The following TUBGCP4 variants were observed in gnomAD, a reference collection of about 807,000 sequenced individuals.
TUBGCP4 encodes the protein gamma-tubulin complex component 4.
Under a neutral mutation model 91.6 loss-of-function variants are expected in TUBGCP4, and 54 were observed. The ratio of observed to expected loss-of-function variants is 0.59; its 90% CI spans 0.47 to 0.74. The LOEUF (loss-of-function observed/expected upper bound fraction) is 0.74, where lower values mean the gene tolerates loss of function less well. TUBGCP4 is among the 30% of genes least tolerant of loss of function. The pLI is 0.00. For missense variants in TUBGCP4, 593 were observed against 800.9 expected (o/e 0.74, Z 3.13); for synonymous variants, 297 against 302.8 (o/e 0.98, Z 0.20).
chr15:43,407,108 G>A lies in TUBGCP4; in HGVS notation c.*1894G>A. 2.9e-6 allele frequency: 1 copy of A among 346,230 alleles called. No individual in the cohort carries two copies. The highest frequency in any genetic ancestry group is 5.3e-6 in the Non-Finnish European group (1 of 187,274). The allele number at this position is 346,230 out of a possible 1,614,324, so 21.4% of individuals were successfully genotyped here. On this transcript the variant is annotated 3_prime_UTR_variant, in exon 18 of 18. Transcript: ENST00000564079. ...CTTAACTTTTCAATTTCCTTGGCCA[G>A]CTGTCCTCCGTAAGTGAATAAGCCT...
chr15:43,379,944 C>T (rs374434087), intron 5 of TUBGCP4, 140 bp from the exon 6 acceptor site: 3 of 777,982 alleles, frequency 3.9e-6, no homozygotes, highest in East Asian at 2.7e-5. Flanking sequence ...TCTTTGAGAA[C>T]CACTATGTGT....
chr15:43,405,173 C>T, intron 17 of TUBGCP4, 29 bp from the exon 18 acceptor site: 2 of 1,613,830 alleles, frequency 1.2e-6, no homozygotes, highest in Non-Finnish European at 8.5e-7. Context: ...AAGCATGACA[C>T]TTAATAAGGC....
In TUBGCP4 at chr15:43,408,342, G is replaced by A. The variant is rs112807119; in HGVS notation, c.*3128G>A. ...AAGACAACAAAAAAATTAGCTGGGT[G>A]TGGTGGCGAGTGCCTGTAGTCCCAG... On this transcript the variant is annotated 3_prime_UTR_variant, in exon 18 of 18. Transcript: ENST00000564079. The A allele has an allele frequency of 2.7e-6, 1 of 369,960 alleles. No individual in the cohort carries two copies. Among genetic ancestry groups the A allele is most frequent in the Non-Finnish European group, 5.0e-6 (1 of 199,588 alleles). 22.9% of individuals were successfully genotyped at this position (369,960 alleles called of 1,614,324 possible).
intron 9 of TUBGCP4, among the ~76,000 whole-genome samples, chr15:43,389,904 T>C (rs1035569020): frequency 6.6e-6 from 1 of 151,504 alleles, no homozygotes; most frequent in African/African-American, 2.4e-5. Flanking sequence ...TAAAAATATA[T>C]AAAATATATA....
At chr15:43,380,018 A>G (rs2044264156) in intron 5 of TUBGCP4, 66 bp from the exon 6 acceptor site, 1 of 1,494,034 alleles carries the variant, frequency 6.7e-7, no homozygotes, top group Non-Finnish European at 9.3e-7. Context: ...TGAATATGGA[A>G]TAAGAATGTG....
chr15:43,408,179 T>G lies in TUBGCP4; in HGVS notation c.*2965T>G. 7.6e-7 allele frequency: 1 copy of G among 1,321,800 alleles called. No homozygotes were observed. Among genetic ancestry groups the G allele is most frequent in the Non-Finnish European group, 1.0e-6 (1 of 958,752 alleles). The allele number at this position is 1,321,800 out of a possible 1,614,324, so 81.9% of individuals were successfully genotyped here. On this transcript the variant is annotated 3_prime_UTR_variant, in exon 18 of 18. Coordinates refer to ENST00000564079, the MANE Select transcript of TUBGCP4 (RefSeq NM_014444.5). ...AGGGACTCATGTACATCTGAATGCT[T>G]TCAAAAATAAATGCCCCATCAGACA...
intron 9 of TUBGCP4, among the ~76,000 whole-genome samples, chr15:43,393,587 C>G (rs1360623857): frequency 6.6e-6 from 1 of 151,968 alleles, no homozygotes; most frequent in Admixed American, 6.6e-5. Context: ...CTAATGCTAT[C>G]CCTCCCCGGT....
In TUBGCP4 at chr15:43,371,325, A is replaced by G. The variant is rs2142747171; in HGVS notation, c.-30A>G. The G allele has an allele frequency of 6.2e-7, 1 of 1,609,552 alleles. No homozygotes were observed. Among genetic ancestry groups the G allele is most frequent in the East Asian group, 2.2e-5 (1 of 44,692 alleles). On this transcript the variant is annotated 5_prime_UTR_variant, in exon 1 of 18. Coordinates refer to ENST00000564079, the MANE Select transcript of TUBGCP4 (RefSeq NM_014444.5). Reference sequence around the variant, plus strand: ...GAGGTGCGCTGGAGGAGGGGGTGACATAACCAGGGACTCGAGGTCCGCCGT... The same window carrying G: ...GAGGTGCGCTGGAGGAGGGGGTGACGTAACCAGGGACTCGAGGTCCGCCGT...
Position 43,409,165 on chromosome 15 carries a change from A to G in TUBGCP4, c.*3951A>G. On this transcript the variant is annotated 3_prime_UTR_variant, in exon 18 of 18. Coordinates refer to ENST00000564079, the MANE Select transcript of TUBGCP4 (RefSeq NM_014444.5). The stretch of plus-strand genomic sequence containing the variant: ...GGAAAGCTCCTAAGCAGCAGCCATA[A>G]TGAGCCATGAAGAGCAGATCTGAAG... 1 of 1,461,630 alleles carries G rather than the reference A, an allele frequency of 6.8e-7. No homozygotes were observed. The highest frequency in any genetic ancestry group is 9.5e-7 in the Non-Finnish European group (1 of 1,049,612). The allele number at this position is 1,461,630 out of a possible 1,614,324, so 90.5% of individuals were successfully genotyped here. A position where few individuals can be genotyped will look rare whatever the true frequency, so the allele number is the denominator to read the frequency against.
intron 9 of TUBGCP4, chr15:43,391,670 C>G (rs142680779): frequency 5.2e-4 from 80 of 152,404 alleles, no homozygotes; most frequent in African/African-American, 1.9e-3. Flanking sequence ...AGTGAAACTT[C>G]TGCCCCAGCC....
Position 43,409,604 on chromosome 15 carries a change from T to A in TUBGCP4, c.*4390T>A. Reference sequence around the variant, plus strand: ...TCTTCTCAACACAGCAAGTTGGCTCTTATCATTGCCACTATATTAGGTTAC... The same window carrying A: ...TCTTCTCAACACAGCAAGTTGGCTCATATCATTGCCACTATATTAGGTTAC... On this transcript the variant is annotated 3_prime_UTR_variant, in exon 18 of 18. Transcript: ENST00000564079. 1 of 1,131,392 alleles carries A rather than the reference T, an allele frequency of 8.8e-7. No homozygotes were observed. The highest frequency in any genetic ancestry group is 1.3e-6 in the Non-Finnish European group (1 of 798,270). The allele number at this position is 1,131,392 out of a possible 1,614,324, so 70.1% of individuals were successfully genotyped here.
chr15:43,375,114 G>C (rs980896426), intron 1 of TUBGCP4, among the ~76,000 whole-genome samples: 2 of 152,228 alleles, frequency 1.3e-5, no homozygotes, highest in Non-Finnish European at 2.9e-5. Context: ...TGTTGGCCAG[G>C]CTGGTCTTGA....
intron 14 of TUBGCP4, among the ~76,000 whole-genome samples, chr15:43,400,598 CT>C (rs768267923): frequency 1.3e-5 from 2 of 152,008 alleles, no homozygotes; most frequent in African/African-American, 2.4e-5. Flanking sequence ...TGGATTCTCA[CT>C]TTGTTGCCCA....
Position 43,371,361 on chromosome 15 carries a change from C to A in TUBGCP4, c.7C>A (p.His3Asn). Residue 3 changes from histidine (H) to asparagine (N), a missense_variant, in exon 1 of 18, where the codon CAC becomes AAC. By Grantham distance (68) the His-to-Asn change is moderately conservative. Coordinates refer to ENST00000564079, the MANE Select transcript of TUBGCP4 (RefSeq NM_014444.5). ...CTCGAGGTCCGCCGTGGGAATGATC[C>A]ACGAACTGCTCTTGGCTCTGAGCGG... MI[H>N]ELLLALSGYP... 1 of 1,613,938 alleles carries A rather than the reference C, an allele frequency of 6.2e-7. No individual in the cohort carries two copies. Among genetic ancestry groups the A allele is most frequent in the Non-Finnish European group, 8.5e-7 (1 of 1,179,946 alleles).
chr15:43,377,939 C>G (rs1039404928), intron 5 of TUBGCP4, 36 bp downstream of exon 5: 7 of 1,483,770 alleles, frequency 4.7e-6, no homozygotes, highest in Non-Finnish European at 6.4e-6. Context: ...CTTTGCTAAG[C>G]ACTGAGGGAA....
chr15:43,377,833 T>C lies in TUBGCP4; in HGVS notation c.385-14T>C. On this transcript the variant is annotated splice_polypyrimidine_tract_variant and intron_variant, in intron 4 of 17. Coordinates refer to ENST00000564079, the MANE Select transcript of TUBGCP4 (RefSeq NM_014444.5). ...TTTGATTACATACCCTTCTAATTAT[T>C]CTCTACTTTGCAGTTCCAGCTTCTT... The C allele has an allele frequency of 6.3e-7, 1 of 1,591,622 alleles. No homozygotes were observed. The highest frequency in any genetic ancestry group is 8.6e-7 in the Non-Finnish European group (1 of 1,168,988).
chr15:43,400,016 C>T, intron 13 of TUBGCP4, 28 bp from the exon 14 acceptor site: 1 of 1,580,444 alleles, frequency 6.3e-7, no homozygotes, highest in Non-Finnish European at 8.7e-7. Flanking sequence ...AAATTTTTGT[C>T]TTGAATATCC....
intron 14 of TUBGCP4, 104 bp downstream of exon 14, chr15:43,400,325 T>C: frequency 1.1e-6 from 1 of 922,172 alleles, no homozygotes; most frequent in Non-Finnish European, 1.6e-6. Context: ...GATAAAATGG[T>C]GGGGTTTGGG....
intron 16 of TUBGCP4, 70 bp downstream of exon 16, chr15:43,403,869 A>G (rs760596591): frequency 9.4e-6 from 10 of 1,065,908 alleles, no homozygotes; most frequent in East Asian, 7.1e-5. Flanking sequence ...AGAATTCATG[A>G]TCTTTCCTCT....
Sources: gnomAD v4.1 joint callset for allele counts (sites outside exome capture counted in the v4.1 genomes callset) on GRCh38, gnomAD v4.1.1 for gene constraint, MANE v1.5 for transcripts, NCBI Gene and HGNC (gene_info 2026-07-23, HGNC 2026-07-21) for gene names.